The following PAQR3 variants were observed in gnomAD, a reference collection of about 807,000 sequenced individuals.
The protein encoded by PAQR3 is Raf kinase trapping to Golgi.
In PAQR3, 39 loss-of-function variants were observed where a neutral mutation model predicts 41.7. That is an observed-to-expected ratio of 0.93 (90% CI 0.72 to 1.22). The LOEUF (loss-of-function observed/expected upper bound fraction) is 1.22, where lower values mean the gene tolerates loss of function less well. Among genes scored for constraint, PAQR3 ranks in the 50% most tolerant of loss-of-function variants. The pLI, the probability that PAQR3 is intolerant of heterozygous loss-of-function variation, is 0.00. For synonymous variants in PAQR3, 140 were observed against 140.6 expected, an observed-to-expected ratio of 1.00 and a Z score of 0.03; for missense variants, 366 against 385.6, an observed-to-expected ratio of 0.95 and a Z score of 0.42.
intron 11 of PAQR3, among the ~76,000 whole-genome samples, chr4:78,896,952 G>A (rs1470907901): frequency 6.6e-6 from 1 of 152,014 alleles, no homozygotes; most frequent in Non-Finnish European, 1.5e-5. Flanking sequence ...TGCTCCCACT[G>A]GAAGTTTTCA....
chr4:78,888,655 T>C (rs1733241191), intron 11 of PAQR3, among the ~76,000 whole-genome samples: 1 of 152,230 alleles, frequency 6.6e-6, no homozygotes, highest in Non-Finnish European at 1.5e-5. Context: ...CTGGACACCC[T>C]TATTTGGAGG....
At chr4:78,925,206 C>T (rs887358546) in intron 4 of PAQR3, among the ~76,000 whole-genome samples, 2 of 151,990 alleles carry the variant, frequency 1.3e-5, no homozygotes, top group African/African-American at 4.8e-5. Flanking sequence ...CTTAATTTCT[C>T]TAAAATTCAC....
chr4:78,909,957 A>G (rs1188530307), downstream of PAQR3, among the ~76,000 whole-genome samples: 2 of 152,190 alleles, frequency 1.3e-5, no homozygotes, highest in Non-Finnish European at 2.9e-5. Context: ...TTGTTTTTAA[A>G]GGAATCTCGC....
chr4:78,893,239 A>G (rs1560549815), intron 11 of PAQR3, among the ~76,000 whole-genome samples: 1 of 152,030 alleles, frequency 6.6e-6, no homozygotes, highest in African/African-American at 2.4e-5. Flanking sequence ...AGCATAAGCA[A>G]CTCCTCATCT....
chr4:78,897,652 AT>A (rs1733773305), intron 11 of PAQR3, among the ~76,000 whole-genome samples: 1 of 152,078 alleles, frequency 6.6e-6, no homozygotes, highest in Non-Finnish European at 1.5e-5. Context: ...TTTTCATAGC[AT>A]TTTTTATAGC....
intron 11 of PAQR3, among the ~76,000 whole-genome samples, chr4:78,897,844 T>C (rs954841215): frequency 6.6e-6 from 1 of 152,238 alleles, no homozygotes; most frequent in Non-Finnish European, 1.5e-5. Context: ...AGGATTATTA[T>C]AAAGATTACA....
intron 11 of PAQR3, among the ~76,000 whole-genome samples, chr4:78,900,447 C>T (rs1375513099): frequency 6.6e-6 from 1 of 152,066 alleles, no homozygotes; most frequent in African/African-American, 2.4e-5. Flanking sequence ...AAGGAATAAA[C>T]AGTATTCTGG....
Position 78,913,764 on chromosome 4 carries a change from A to G in PAQR3, c.*6775T>C, listed in dbSNP as rs1393320364. The stretch of plus-strand genomic sequence containing the variant: ...CTTTTTCCCTTCTTTTATATGCTAA[A>G]TCAAATATAGATTTGTGGATAGGGA... On this transcript the variant is annotated 3_prime_UTR_variant, in exon 6 of 6. Coordinates refer to ENST00000512733, the MANE Select transcript of PAQR3 (RefSeq NM_001040202.2). The G allele has an allele frequency of 6.6e-6, 1 of 152,140 alleles. No homozygotes were observed. The highest frequency in any genetic ancestry group is 1.9e-4 in the East Asian group (1 of 5,202). The allele number at this position is 152,140 out of a possible 1,614,324, so 9.4% of individuals were successfully genotyped here.
At chr4:78,937,847 T>C (rs1201468855) in intron 1 of PAQR3, among the ~76,000 whole-genome samples, 2 of 152,202 alleles carry the variant, frequency 1.3e-5, no homozygotes, top group South Asian at 2.1e-4. Context: ...GCTAGTTGAG[T>C]AGAAAATATT....
chr4:78,930,167 T>TA lies in PAQR3; in HGVS notation c.504+2dup. 6.2e-7 allele frequency: 1 copy of TA among 1,603,492 alleles called. No homozygotes were observed. Among genetic ancestry groups the TA allele is most frequent in the Non-Finnish European group, 8.5e-7 (1 of 1,176,704 alleles). ...CGAATGTAAAATGTTTTCATCTACT[T>TA]ACGTTATTACAATAAAATGCGTAAA... On this transcript the variant is annotated splice_region_variant and intron_variant, in intron 3 of 5. Coordinates refer to ENST00000512733, the MANE Select transcript of PAQR3 (RefSeq NM_001040202.2).
Position 78,916,325 on chromosome 4 carries a change from T to C in PAQR3, c.*4214A>G, listed in dbSNP as rs1735069704. 1 of 152,012 alleles carries C rather than the reference T, an allele frequency of 6.6e-6. No homozygotes were observed. Among genetic ancestry groups the C allele is most frequent in the Admixed American group, 6.6e-5 (1 of 15,210 alleles). The allele number at this position is 152,012 out of a possible 1,614,324, so 9.4% of individuals were successfully genotyped here. A position where few individuals can be genotyped will look rare whatever the true frequency, so the allele number is the denominator to read the frequency against. On this transcript the variant is annotated 3_prime_UTR_variant, in exon 6 of 6. Coordinates refer to ENST00000512733, the MANE Select transcript of PAQR3 (RefSeq NM_001040202.2). The stretch of plus-strand genomic sequence containing the variant: ...CATACCTGTTTTAATCTGTTTTCTT[T>C]AAATGCAATAAATCCCAAATGGATT...
At chr4:78,923,124 C>G (rs1020053379) in intron 5 of PAQR3, 3 of 359,154 alleles carry the variant, frequency 8.4e-6, no homozygotes, top group East Asian at 7.3e-5. Context: ...TTTTATAGAC[C>G]CTTTTGATGT....
intron 3 of PAQR3, among the ~76,000 whole-genome samples, chr4:78,928,959 T>G (rs1444270732): frequency 6.6e-6 from 1 of 152,228 alleles, no homozygotes; most frequent in East Asian, 1.9e-4. Flanking sequence ...CATGTGCAGT[T>G]CACAATAGGG....
rs1204461032 is a variant in PAQR3, at chr4:78,916,423, C to T, written c.*4116G>A. 6.6e-6 allele frequency: 1 copy of T among 151,834 alleles called. No homozygotes were observed. Among genetic ancestry groups the T allele is most frequent in the Non-Finnish European group, 1.5e-5 (1 of 67,868 alleles). The allele number at this position is 151,834 out of a possible 1,614,324, so 9.4% of individuals were successfully genotyped here. ...TATTATGACTTTTGGATGTAAACTT[C>T]TATTCAAATTCAGTTATTTCATTCA... On this transcript the variant is annotated 3_prime_UTR_variant, in exon 6 of 6. Transcript: ENST00000512733.
At chr4:78,924,681 T>C (rs967862443) in intron 4 of PAQR3, among the ~76,000 whole-genome samples, 2 of 150,448 alleles carry the variant, frequency 1.3e-5, no homozygotes, top group Non-Finnish European at 3.0e-5. Flanking sequence ...AAAACTAGCC[T>C]GGGTAACATA....
chr4:78,915,862 A>G lies in PAQR3; in HGVS notation c.*4677T>C, dbSNP rs749273524. The G allele has an allele frequency of 2.6e-5, 4 of 151,910 alleles. No homozygotes were observed. Among genetic ancestry groups the G allele is most frequent in the Non-Finnish European group, 4.4e-5 (3 of 67,860 alleles). The allele number at this position is 151,910 out of a possible 1,614,324, so 9.4% of individuals were successfully genotyped here. ...TTTTGAAAGAATTGTTTTTATGACT[A>G]TGCTCTTTTTGTGATTGAAAAGTCA... On this transcript the variant is annotated 3_prime_UTR_variant, in exon 6 of 6. Transcript: ENST00000512733.
chr4:78,920,428 A>G lies in PAQR3; in HGVS notation c.*111T>C. On this transcript the variant is annotated 3_prime_UTR_variant, in exon 6 of 6. Coordinates refer to ENST00000512733, the MANE Select transcript of PAQR3 (RefSeq NM_001040202.2). ...TTCCCATTTTTATAAAGCATTACTC[A>G]TATTAAAAAGGAAAAAGGGAAAACT... The G allele has an allele frequency of 1.4e-6, 2 of 1,396,744 alleles. No individual in the cohort carries two copies. The highest frequency in any genetic ancestry group is 1.9e-6 in the Non-Finnish European group (2 of 1,073,882). The allele number at this position is 1,396,744 out of a possible 1,614,324, so 86.5% of individuals were successfully genotyped here. A position where few individuals can be genotyped will look rare whatever the true frequency, so the allele number is the denominator to read the frequency against.
At chr4:78,925,996 T>C (rs1202260005) in intron 4 of PAQR3, among the ~76,000 whole-genome samples, 2 of 152,142 alleles carry the variant, frequency 1.3e-5, no homozygotes, top group African/African-American at 4.8e-5. Context: ...CAGCTACCAA[T>C]ACAATGATGA....
chr4:78,924,402 G>A (rs139224715), intron 4 of PAQR3, among the ~76,000 whole-genome samples: 5 of 152,116 alleles, frequency 3.3e-5, no homozygotes, highest in Non-Finnish European at 5.9e-5. Flanking sequence ...ACACAGTATT[G>A]AGAAGACTTT....
Sources: allele counts gnomAD v4.1 joint callset (sites outside exome capture counted in the v4.1 genomes callset), GRCh38; gene constraint gnomAD v4.1.1; transcripts MANE v1.5; gene names NCBI Gene and HGNC (gene_info 2026-07-23, HGNC 2026-07-21).